ATP10B: variants seen among roughly 807,000 people sequenced by gnomAD.
The protein encoded by ATP10B is phospholipid-transporting ATPase VB.
ATP10B carries 122 observed loss-of-function variants against 141.2 expected under a neutral mutation model. That is an observed-to-expected ratio of 0.86 (90% confidence interval 0.75 to 1.00). The LOEUF is 1.00. ATP10B is among the 50% of genes least tolerant of loss of function. The pLI is 0.00. For missense variants in ATP10B, 1,876 were observed against 1,825.3 expected (o/e 1.03, Z -0.51); for synonymous variants, 685 against 692.0 (o/e 0.99, Z 0.16).
chr5:160,608,782 A>AT (rs1041423520), intron 18 of ATP10B, among the ~76,000 whole-genome samples: 3 of 151,764 alleles, frequency 2.0e-5, no homozygotes, highest in East Asian at 1.9e-4. Flanking sequence ...GGGTTGTTTG[A>AT]TTTTTTTCCT....
the ATP10B span, among the ~76,000 whole-genome samples, chr5:160,928,138 C>T: frequency 1.3e-5 from 2 of 152,170 alleles, no homozygotes; most frequent in Non-Finnish European, 2.9e-5. Context: ...GTGAGACTGG[C>T]TCGGTGTCCA....
At position 160,790,366 on chromosome 5, in the gene ATP10B, G is replaced by A. The variant is rs551987178; in HGVS notation, c.-575-4563C>T. Among the ~76,000 whole-genome samples the A allele has an allele frequency of 9.2e-5, 14 of 152,224 alleles. 1 individual carries two copies. The highest frequency in any genetic ancestry group is 2.6e-4 in the Admixed American group (4 of 15,274). On this transcript the variant is annotated intron_variant, in intron 1 of 25. Transcript: ENST00000327245. ...AGGCTATTTTAGGTCTGGCTCTGAG[G>A]AAAGTTAGAGAGAAACCCTCGTCTT...
At chr5:160,921,369 A>T in the ATP10B span, among the ~76,000 whole-genome samples, 1 of 152,038 alleles carries the variant, frequency 6.6e-6, no homozygotes, top group African/African-American at 2.4e-5. Context: ...AAATATATAT[A>T]ACTTTTACCA....
chr5:160,817,703 C>G (rs1773756659), intron 1 of ATP10B, among the ~76,000 whole-genome samples: 1 of 152,078 alleles, frequency 6.6e-6, no homozygotes, highest in South Asian at 2.1e-4. Flanking sequence ...CAATCCTAAG[C>G]CAAAAGAACA....
chr5:160,772,120 A>C (rs1165299587), intron 2 of ATP10B, among the ~76,000 whole-genome samples: 1 of 152,236 alleles, frequency 6.6e-6, no homozygotes, highest in Non-Finnish European at 1.5e-5. Flanking sequence ...ACTGATTTCA[A>C]ATCTTTTGGG....
the ATP10B span, among the ~76,000 whole-genome samples, chr5:160,877,118 TG>T: frequency 6.6e-6 from 1 of 152,112 alleles, no homozygotes; most frequent in Non-Finnish European, 1.5e-5. Flanking sequence ...TGATGAACAT[TG>T]ATGCAAAAAT....
intron 8 of ATP10B, among the ~76,000 whole-genome samples, chr5:160,646,522 G>A (rs570338828): frequency 1.3e-5 from 2 of 152,202 alleles, no homozygotes; most frequent in African/African-American, 4.8e-5. Context: ...TTAAAAATCT[G>A]GTAGATAAAA....
the ATP10B span, among the ~76,000 whole-genome samples, chr5:160,877,404 T>A: frequency 3.0e-5 from 4 of 135,454 alleles, no homozygotes; most frequent in African/African-American, 1.1e-4. Flanking sequence ...AAGAGCTATC[T>A]ATGACAAACC....
chr5:160,863,314 A>AGTAAAAAT, the ATP10B span, among the ~76,000 whole-genome samples: 2 of 152,014 alleles, frequency 1.3e-5, no homozygotes, highest in African/African-American at 4.8e-5. Context: ...GAAGAGAAAA[A>AGTAAAAAT]GTAAAAAAGT....
chr5:160,752,923 A>AT (rs1237589792), intron 2 of ATP10B, among the ~76,000 whole-genome samples: 1 of 152,188 alleles, frequency 6.6e-6, no homozygotes, highest in Non-Finnish European at 1.5e-5. Flanking sequence ...TACTAGCTTC[A>AT]TTTTTTAACC....
intron 1 of ATP10B, among the ~76,000 whole-genome samples, chr5:160,804,690 C>T (rs1017226055): frequency 6.6e-6 from 1 of 152,156 alleles, no homozygotes; most frequent in Non-Finnish European, 1.5e-5. Context: ...ACTGTGAGCT[C>T]CAGATTCAGT....
intron 3 of ATP10B, 108 bp from the exon 4 acceptor site, chr5:160,689,051 C>T (rs1763925852): frequency 2.2e-6 from 1 of 461,348 alleles, no homozygotes; most frequent in Admixed American, 6.4e-5. Flanking sequence ...AGCTTCATCC[C>T]TGGGATGCAA....
intron 3 of ATP10B, among the ~76,000 whole-genome samples, chr5:160,694,692 C>T (rs371560161): frequency 1.1e-4 from 17 of 152,264 alleles, no homozygotes; most frequent in East Asian, 3.9e-4. Context: ...TTCACTGTTA[C>T]GGGATAAATC....
chr5:160,795,496 T>G (rs886488309), intron 1 of ATP10B, among the ~76,000 whole-genome samples: 1 of 152,066 alleles, frequency 6.6e-6, no homozygotes, highest in African/African-American at 2.4e-5. Flanking sequence ...AGCTCCAGGA[T>G]AGTCACAATG....
chr5:160,886,368 C>T, the ATP10B span, among the ~76,000 whole-genome samples: 6 of 152,072 alleles, frequency 3.9e-5, no homozygotes, highest in African/African-American at 1.2e-4. Context: ...AAAAGCATCT[C>T]GGGATAATTT....
chr5:160,762,741 G>A (rs1348668940), intron 2 of ATP10B, among the ~76,000 whole-genome samples: 2 of 152,016 alleles, frequency 1.3e-5, no homozygotes, highest in African/African-American at 2.4e-5. Context: ...AATGTAAATG[G>A]CCTAAATGTT....
chr5:160,662,555 C>T (rs1279766383), intron 7 of ATP10B, among the ~76,000 whole-genome samples: 1 of 152,180 alleles, frequency 6.6e-6, no homozygotes, highest in African/African-American at 2.4e-5. Flanking sequence ...AAAGGATTCC[C>T]TTTTTAATAA....
intron 2 of ATP10B, among the ~76,000 whole-genome samples, chr5:160,723,202 C>A (rs764343996): frequency 4.6e-5 from 7 of 152,208 alleles, no homozygotes; most frequent in Non-Finnish European, 8.8e-5. Context: ...TACTTCTATG[C>A]ATTAAATATT....
chr5:160,593,094 G>T (rs968683248), intron 22 of ATP10B, among the ~76,000 whole-genome samples: 1 of 152,250 alleles, frequency 6.6e-6, no homozygotes, highest in Admixed American at 6.5e-5. Context: ...GGAGATCTGA[G>T]AATGGGCAGA....
Sources: allele counts gnomAD v4.1 joint callset (sites outside exome capture counted in the v4.1 genomes callset), GRCh38; gene constraint gnomAD v4.1.1; transcripts MANE v1.5; gene names NCBI Gene and HGNC (gene_info 2026-07-23, HGNC 2026-07-21).